Variants in ZNF397 observed in about 807,000 individuals in gnomAD.
The protein encoded by ZNF397 is zinc finger and SCAN domain-containing protein 15.
ZNF397 carries 38 observed loss-of-function variants against 50.6 expected under a neutral mutation model. The observed-to-expected ratio is 0.75, with a 90% CI of 0.58 to 0.98. ZNF397 has a LOEUF of 0.98. Ranked by LOEUF, ZNF397 falls within the 50% of genes least tolerant of loss-of-function variation. The pLI, the probability that ZNF397 is intolerant of heterozygous loss-of-function variation, is 0.00. For missense variants in ZNF397, 624 were observed against 624.1 expected (o/e 1.00, Z 0.00); for synonymous variants, 228 against 215.2 (o/e 1.06, Z -0.52).
rs765097496 is a variant in ZNF397 at position 35,245,545 on chromosome 18, A to G, written c.840A>G (p.Pro280=). Residue 280 remains proline, a synonymous_variant, in exon 4 of 4, where the codon CCA becomes CCG. Coordinates refer to ENST00000330501, the MANE Select transcript of ZNF397 (RefSeq NM_001135178.3). ...TDSIMCQKVP[P]EERPYRCDVC... is the part of the protein sequence containing the mutation. The stretch of plus-strand genomic sequence containing the variant: ...CTATAATGTGTCAGAAAGTTCCTCC[A>G]GAAGAGAGACCTTATAGATGTGATG... 6.4e-7 allele frequency: 1 copy of G among 1,552,522 alleles called. No individual in the cohort carries two copies. Among genetic ancestry groups the G allele is most frequent in the South Asian group, 1.2e-5 (1 of 84,068 alleles).
chr18:35,254,353 C>A, downstream of ZNF397: 1 of 1,613,896 alleles, frequency 6.2e-7, no homozygotes, highest in Non-Finnish European at 8.5e-7. Flanking sequence ...GCTTTGCCAT[C>A]AACACTTTGC....
At position 35,246,142 on chromosome 18, in the gene ZNF397, A is replaced by G. The variant is rs1292046181; in HGVS notation, c.1437A>G (p.Glu479=). Residue 479 remains glutamate (E), a synonymous_variant, in exon 4 of 4, where the codon GAA becomes GAG. Coordinates refer to ENST00000330501, the MANE Select transcript of ZNF397 (RefSeq NM_001135178.3). ...ATCAGAGAATTCATAGTGGGGAGGAACCTTATCAGTGTAATGAATGTGGCA... is the reference window on the plus strand; with the variant it reads ...ATCAGAGAATTCATAGTGGGGAGGAGCCTTATCAGTGTAATGAATGTGGCA... ...IRHQRIHSGE[E]PYQCNECGKT... is the part of the protein sequence containing the mutation. 1.0e-5 allele frequency: 16 copies of G among 1,551,254 alleles called. No individual in the cohort carries two copies. Among genetic ancestry groups the G allele is most frequent in the African/African-American group, 1.4e-5 (1 of 73,024 alleles).
chr18:35,254,153 G>A (rs372226342), downstream of ZNF397: 2 of 1,614,058 alleles, frequency 1.2e-6, no homozygotes. Flanking sequence ...TCTGTTGAAG[G>A]TTGCCAGACT....
chr18:35,246,995 C>T lies in ZNF397; in HGVS notation c.*685C>T. 1 of 881,226 alleles carries T rather than the reference C, an allele frequency of 1.1e-6. No homozygotes were observed. Among genetic ancestry groups the T allele is most frequent in the East Asian group, 1.2e-4 (1 of 8,300 alleles). 54.6% of individuals were successfully genotyped at this position (881,226 alleles called of 1,614,324 possible). ...CTATGTGACCTTAAGGAGCACCTGA[C>T]TCAGCCTTGGATAAGGAAATGGGGG... is the stretch of plus-strand genomic sequence containing the variant. On this transcript the variant is annotated 3_prime_UTR_variant, in exon 4 of 4. Transcript: ENST00000330501.
rs2043480657 is a variant in ZNF397 at position 35,246,285 on chromosome 18, A to G, written c.1580A>G (p.His527Arg). The change falls in exon 4 of 4, where the codon CAT becomes CGT. Residue 527 changes from histidine (H) to arginine (R), a missense_variant. Coordinates refer to ENST00000330501, the MANE Select transcript of ZNF397 (RefSeq NM_001135178.3). ...AGGCACAGATCGGTCCTTATGCGCC[A>G]TCAAAGAGTCCACACTATAAAGTAA... ...AFRHRSVLMRHQRVHTIK is the reference protein window; with the variant it reads ...AFRHRSVLMRRQRVHTIK 6.5e-7 allele frequency: 1 copy of G among 1,548,926 alleles called. No homozygotes were observed. Among genetic ancestry groups the G allele is most frequent in the East Asian group, 2.4e-5 (1 of 40,894 alleles).
Position 35,247,185 on chromosome 18 carries a change from T to A in ZNF397, c.*875T>A, listed in dbSNP as rs1425841682. The A allele has an allele frequency of 2.0e-6, 2 of 985,310 alleles. No individual in the cohort carries two copies. Among genetic ancestry groups the A allele is most frequent in the African/African-American group, 3.5e-5 (2 of 57,230 alleles). 61.0% of individuals were successfully genotyped at this position (985,310 alleles called of 1,614,324 possible). ...CAGAGAAGTCTGGGTCTGGCCAGAC[T>A]CTTAAGCAGTGCCAATGGAGAAGTT... On this transcript the variant is annotated 3_prime_UTR_variant, in exon 4 of 4. Coordinates refer to ENST00000330501, the MANE Select transcript of ZNF397 (RefSeq NM_001135178.3).
At chr18:35,250,263 T>G (rs529112062), downstream of ZNF397, among the ~76,000 whole-genome samples, 1 of 152,344 alleles carries the variant, frequency 6.6e-6, no homozygotes, top group South Asian at 2.1e-4. Flanking sequence ...AGACCCTCAC[T>G]TAAAGGAGCT....
chr18:35,242,915 G>T (rs1366008234), intron 2 of ZNF397, 31 bp downstream of exon 2: 5 of 1,567,454 alleles, frequency 3.2e-6, no homozygotes, highest in African/African-American at 1.4e-5. Context: ...TGTGGGAAAA[G>T]GAATTTACAG....
At chr18:35,242,343 TAG>T in intron 1 of ZNF397, 46 bp from the exon 2 acceptor site, 2 of 871,182 alleles carry the variant, frequency 2.3e-6, no homozygotes, top group East Asian at 4.9e-5. Context: ...TACAAGTACT[TAG>T]AGATTTTATT....
At chr18:35,250,019 A>G (rs940606339), downstream of ZNF397, among the ~76,000 whole-genome samples, 1 of 152,332 alleles carries the variant, frequency 6.6e-6, no homozygotes, top group East Asian at 1.9e-4. Context: ...GTTTCAGGAA[A>G]TTAGCTAACT....
In ZNF397 at chr18:35,247,006, A is replaced by T; in HGVS notation, c.*696A>T. On this transcript the variant is annotated 3_prime_UTR_variant, in exon 4 of 4. Transcript: ENST00000330501. ...TAAGGAGCACCTGACTCAGCCTTGGATAAGGAAATGGGGGAAATGGCCTGA... is the reference window on the plus strand; with the variant it reads ...TAAGGAGCACCTGACTCAGCCTTGGTTAAGGAAATGGGGGAAATGGCCTGA... 1.1e-6 allele frequency: 1 copy of T among 902,584 alleles called. No individual in the cohort carries two copies. Among genetic ancestry groups the T allele is most frequent in the African/African-American group, 1.8e-5 (1 of 55,630 alleles). The allele number at this position is 902,584 out of a possible 1,614,324, so 55.9% of individuals were successfully genotyped here. A position where few individuals can be genotyped will look rare whatever the true frequency, so the allele number is the denominator to read the frequency against.
chr18:35,249,699 AAATG>A lies in ZNF397; in HGVS notation c.*3392_*3395del, dbSNP rs1457616188. ...AAAAACACTGATGTCAATTAATATT[AAATG>A]AAGTATTCATGATATATTGTTAAGT... On this transcript the variant is annotated 3_prime_UTR_variant, in exon 4 of 4. Transcript: ENST00000330501. 1 of 151,250 alleles carries A rather than the reference AAATG, an allele frequency of 6.6e-6. No homozygotes were observed. Among genetic ancestry groups the A allele is most frequent in the East Asian group, 1.9e-4 (1 of 5,174 alleles). 9.4% of individuals were successfully genotyped at this position (151,250 alleles called of 1,614,324 possible).
At position 35,243,586 on chromosome 18, in the gene ZNF397, G is replaced by A. The variant is rs1912694904; in HGVS notation, c.556+293G>A. ...CAGGAGAGGTTTCAGGTCTAGGTGG[G>A]TGATGGACAAATAAAAAGGCAGTTG... is the stretch of plus-strand genomic sequence containing the variant. On this transcript the variant is annotated intron_variant, in intron 3 of 3. Coordinates refer to ENST00000330501, the MANE Select transcript of ZNF397 (RefSeq NM_001135178.3). The A allele has an allele frequency of 5.0e-6, 3 of 599,036 alleles. 1 individual carries two copies. The highest frequency in any genetic ancestry group is 4.2e-5 in the South Asian group (2 of 47,506). 37.1% of individuals were successfully genotyped at this position (599,036 alleles called of 1,614,324 possible). A position where few individuals can be genotyped will look rare whatever the true frequency, so the allele number is the denominator to read the frequency against.
At chr18:35,254,843 G>C (rs2043741079) in intron 5 of ZNF397, 1 of 195,868 alleles carries the variant, frequency 5.1e-6, no homozygotes, top group Non-Finnish European at 1.1e-5. Flanking sequence ...GAAATGCTTT[G>C]GGAGTTAGCA....
intron 3 of ZNF397, chr18:35,243,713 G>A: frequency 3.1e-6 from 1 of 324,370 alleles, no homozygotes; most frequent in South Asian, 4.7e-5. Context: ...ACTTCCTGAA[G>A]GAAGAAAATC....
intron 5 of ZNF397, chr18:35,255,109 AG>A (rs1220455120): frequency 6.6e-6 from 1 of 151,840 alleles, no homozygotes; most frequent in Non-Finnish European, 1.5e-5. Flanking sequence ...GTATCAAAGA[AG>A]GGGATGGAGA....
exon 6 of ZNF397, chr18:35,258,186 T>C (rs752862051): frequency 1.9e-5 from 11 of 569,260 alleles, no homozygotes; most frequent in Non-Finnish European, 2.8e-5. Flanking sequence ...CTTTCAAGAC[T>C]GAAAAGAGAC....
At chr18:35,250,405 C>G (rs114427623), downstream of ZNF397, among the ~76,000 whole-genome samples, 83 of 152,336 alleles carry the variant, frequency 5.4e-4, no homozygotes, top group African/African-American at 1.9e-3. Context: ...AAAAGTAATT[C>G]ATGCCTTTCC....
At chr18:35,245,176 A>C in intron 3 of ZNF397, 86 bp from the exon 4 acceptor site, 286 of 1,359,822 alleles carry the variant, frequency 2.1e-4, no homozygotes, top group Non-Finnish European at 2.6e-4. Flanking sequence ...CTTTGTAGGT[A>C]GAAGCTTCTG....
Sources: gnomAD v4.1 joint callset for allele counts (sites outside exome capture counted in the v4.1 genomes callset) on GRCh38, gnomAD v4.1.1 for gene constraint, MANE v1.5 for transcripts, NCBI Gene and HGNC (gene_info 2026-07-23, HGNC 2026-07-21) for gene names.